RPS6KB2: variants seen among roughly 807,000 people sequenced by gnomAD.
The protein encoded by RPS6KB2 is ribosomal protein S6 kinase B2, also known as ribosomal protein S6 kinase beta-2.
RPS6KB2 carries 51 observed loss-of-function variants against 58.2 expected under a neutral mutation model. That is an observed-to-expected ratio of 0.88 (90% CI 0.70 to 1.11). The LOEUF (loss-of-function observed/expected upper bound fraction) is 1.11, where lower values mean the gene tolerates loss of function less well. RPS6KB2 is among the 50% of genes least tolerant of loss of function. The pLI, the probability that RPS6KB2 is intolerant of heterozygous loss-of-function variation, is 0.00. For missense variants in RPS6KB2, 671 were observed against 655.8 expected, an observed-to-expected ratio of 1.02 and a Z score of -0.25; for synonymous variants, 293 against 258.6, an observed-to-expected ratio of 1.13 and a Z score of -1.28.
At chr11:67,431,263 C>T (rs1864010917) in intron 4 of RPS6KB2, 105 bp from the exon 5 acceptor site, 1 of 1,103,474 alleles carries the variant, frequency 9.1e-7, no homozygotes, top group African/African-American at 1.6e-5. Context: ...TTCCTGACCT[C>T]AGGTAATCCG....
At position 67,435,294 on chromosome 11, in the gene RPS6KB2, AGT is replaced by A. The variant is rs1232764740; in HGVS notation, c.*132_*133del. 14 of 911,904 alleles carry A rather than the reference AGT, an allele frequency of 1.5e-5. No individual in the cohort carries two copies. Among genetic ancestry groups the A allele is most frequent in the Non-Finnish European group, 1.3e-5 (8 of 624,948 alleles). The allele number at this position is 911,904 out of a possible 1,614,324, so 56.5% of individuals were successfully genotyped here. On this transcript the variant is annotated 3_prime_UTR_variant, in exon 15 of 15. Coordinates refer to ENST00000312629, the MANE Select transcript of RPS6KB2 (RefSeq NM_003952.3). ...GGGGTGGGGTGTGAGTGCGTATGAAAGTGTGTGTCTGCTGGGGCAGCTGTGCC... is the reference window on the plus strand; with the variant it reads ...GGGGTGGGGTGTGAGTGCGTATGAAAGTGTGTCTGCTGGGGCAGCTGTGCC...
chr11:67,433,769 A>G (rs1310727208), intron 10 of RPS6KB2, among the ~76,000 whole-genome samples: 4 of 152,136 alleles, frequency 2.6e-5, no homozygotes, highest in Non-Finnish European at 5.9e-5. Context: ...CGCCTCACCA[A>G]CGCGCCCTGG....
rs772086962 is a variant in RPS6KB2, at chr11:67,433,468, C to T, written c.906+21C>T. ...AAAAGGTGCAGCTCCCTTCTCTCTT[C>T]TCCGGGGCCCTGCCAGCCATTCTGC... On this transcript the variant is annotated intron_variant, in intron 10 of 14. Transcript: ENST00000312629. The T allele has an allele frequency of 4.5e-6, 7 of 1,551,454 alleles. No homozygotes were observed. In the Admixed American group the frequency reaches 8.3e-5, roughly 18 times the overall value.
intron 1 of RPS6KB2, 63 bp from the exon 2 acceptor site, chr11:67,428,919 C>A (rs1863931375): frequency 3.1e-6 from 5 of 1,599,972 alleles, no homozygotes; most frequent in African/African-American, 1.3e-5. Flanking sequence ...GCAGTCCAAC[C>A]TGAACGGGAG....
chr11:67,431,583 C>G, intron 5 of RPS6KB2, 68 bp downstream of exon 5: 1 of 1,533,698 alleles, frequency 6.5e-7, no homozygotes, highest in Non-Finnish European at 8.9e-7. Context: ...AAAGGAAGCT[C>G]TGGGGGGAAG....
At position 67,435,333 on chromosome 11, in the gene RPS6KB2, G is replaced by A; in HGVS notation, c.*164G>A. 2.8e-6 allele frequency: 2 copies of A among 712,634 alleles called. No homozygotes were observed. The highest frequency in any genetic ancestry group is 3.1e-5 in the Admixed American group (1 of 32,460). 44.1% of individuals were successfully genotyped at this position (712,634 alleles called of 1,614,324 possible). A position where few individuals can be genotyped will look rare whatever the true frequency, so the allele number is the denominator to read the frequency against. On this transcript the variant is annotated 3_prime_UTR_variant, in exon 15 of 15. Transcript: ENST00000312629. ...GGGGCAGCTGTGCCCCTGAATCATG[G>A]GCACGGAGGGCCGCCCGCCACGCCC...
intron 5 of RPS6KB2, 40 bp downstream of exon 5, chr11:67,431,555 G>C (rs1045776546): frequency 1.3e-6 from 2 of 1,599,836 alleles, no homozygotes; most frequent in South Asian, 2.2e-5. Flanking sequence ...GGGGGTCGCG[G>C]GGGGGCAGCG....
At chr11:67,433,068 G>T in intron 8 of RPS6KB2, 26 bp downstream of exon 8, 1 of 1,612,726 alleles carries the variant, frequency 6.2e-7, no homozygotes. Context: ...CTGGCCCAGG[G>T]GTCGGGAGGA....
chr11:67,434,349 AC>A, intron 12 of RPS6KB2, 27 bp from the exon 13 acceptor site: 1 of 1,610,108 alleles, frequency 6.2e-7, no homozygotes, highest in Non-Finnish European at 8.5e-7. Context: ...GTGCCCTCTG[AC>A]CCCTCCCCAC....
In RPS6KB2 at chr11:67,434,573, GC is replaced by G; in HGVS notation, c.1156-3del. The G allele has an allele frequency of 6.3e-7, 1 of 1,597,648 alleles. No individual in the cohort carries two copies. The stretch of plus-strand genomic sequence containing the variant: ...CTGAGTGTCGCATGGCCCTGCCTCC[GC>G]CCCCCAGGGCTTCACATACGTGGCG... On this transcript the variant is annotated splice_polypyrimidine_tract_variant and splice_region_variant and intron_variant, in intron 13 of 14. Transcript: ENST00000312629.
chr11:67,434,724 G>A (rs1156698863), intron 14 of RPS6KB2, 30 bp downstream of exon 14: 1 of 1,522,660 alleles, frequency 6.6e-7, no homozygotes, highest in Non-Finnish European at 8.9e-7. Flanking sequence ...TGTGTGGCTG[G>A]GTTAGGGACG....
chr11:67,433,947 CAT>C (rs1864141629), intron 10 of RPS6KB2, 46 bp from the exon 11 acceptor site: 1 of 1,606,894 alleles, frequency 6.2e-7, no homozygotes, highest in Non-Finnish European at 8.5e-7. Context: ...CCCGGGGACA[CAT>C]GAGCAGTACT....
intron 5 of RPS6KB2, chr11:67,432,267 T>G: frequency 1.7e-6 from 1 of 572,066 alleles, no homozygotes; most frequent in Non-Finnish European, 3.3e-6. Flanking sequence ...CCCTGTCTTC[T>G]CTGCGAGATC....
Position 67,432,754 on chromosome 11 carries a change from T to C in RPS6KB2, c.533T>C (p.Ile178Thr). The C allele has an allele frequency of 6.2e-7, 1 of 1,614,144 alleles. No individual in the cohort carries two copies. Among genetic ancestry groups the C allele is most frequent in the Middle Eastern group, 1.6e-4 (1 of 6,062 alleles). ...TTCTGCAGCTTCTACCTGGCTGAGA[T>C]CACGCTGGCCCTGGGCCATCTCCAC... ...EDTACFYLAE[I>T]TLALGHLHSQ... The change falls in exon 7 of 15, where the codon ATC becomes ACC. Residue 178 changes from isoleucine to threonine, a missense_variant. Ile to Thr is a moderately conservative substitution (Grantham distance 89). Coordinates refer to ENST00000312629, the MANE Select transcript of RPS6KB2 (RefSeq NM_003952.3).
chr11:67,433,273 C>T (rs945685197), intron 9 of RPS6KB2, 57 bp downstream of exon 9: 69 of 1,603,942 alleles, frequency 4.3e-5, no homozygotes, highest in Non-Finnish European at 5.4e-5. Context: ...AGTAGCCCCC[C>T]TCCTGGGGCA....
chr11:67,434,155 C>T, intron 11 of RPS6KB2, 43 bp from the exon 12 acceptor site: 1 of 1,611,974 alleles, frequency 6.2e-7, no homozygotes, highest in Non-Finnish European at 8.5e-7. Context: ...GGGGGGCAAG[C>T]AGGGTGAGCT....
At position 67,432,673 on chromosome 11, in the gene RPS6KB2, C is replaced by A; in HGVS notation, c.515+16C>A. 1 of 1,614,110 alleles carries A rather than the reference C, an allele frequency of 6.2e-7. No individual in the cohort carries two copies. The highest frequency in any genetic ancestry group is 8.5e-7 in the Non-Finnish European group (1 of 1,179,980). On this transcript the variant is annotated intron_variant, in intron 6 of 14. Transcript: ENST00000312629. ...ATACGGCCTGGTGGGTGTTAATCCTCCGCTTTCCTGAGGCTGCCAGGTCCC... is the reference window on the plus strand; with the variant it reads ...ATACGGCCTGGTGGGTGTTAATCCTACGCTTTCCTGAGGCTGCCAGGTCCC...
chr11:67,429,713 CT>C (rs957671562), intron 4 of RPS6KB2, 118 bp downstream of exon 4: 7 of 817,394 alleles, frequency 8.6e-6, no homozygotes, highest in Non-Finnish European at 1.2e-5. Flanking sequence ...TTGGCGTTTG[CT>C]GGTTTATTGT....
rs201782236 is a variant in RPS6KB2 at position 67,431,385 on chromosome 11, T to C, written c.327T>C (p.Asn109=). The change falls in exon 5 of 15, where the codon AAT becomes AAC. Residue 109 remains asparagine (N), a synonymous_variant. Transcript: ENST00000312629. Reference sequence around the variant, plus strand: ...ATCTCCAGGCCAAAATTGTGCGCAATGCCAAGGACACAGCACACACACGGG... The same window carrying C: ...ATCTCCAGGCCAAAATTGTGCGCAACGCCAAGGACACAGCACACACACGGG... ...KVLRKAKIVR[N]AKDTAHTRAE... 91 of 1,613,796 alleles carry C rather than the reference T, an allele frequency of 5.6e-5. No individual in the cohort carries two copies. Among genetic ancestry groups the C allele is most frequent in the Non-Finnish European group, 9.3e-6 (11 of 1,179,932 alleles).
Sources: allele counts gnomAD v4.1 joint callset (sites outside exome capture counted in the v4.1 genomes callset), GRCh38; gene constraint gnomAD v4.1.1; transcripts MANE v1.5; gene names NCBI Gene and HGNC (gene_info 2026-07-23, HGNC 2026-07-21).